GNB1L: variants seen among roughly 807,000 people sequenced by gnomAD.
GNB1L encodes guanine nucleotide-binding protein subunit beta-like protein 1.
Under a neutral mutation model 29.1 loss-of-function variants are expected in GNB1L, and 20 were observed. The observed-to-expected ratio is 0.69, with a 90% CI of 0.48 to 1.00. The LOEUF (loss-of-function observed/expected upper bound fraction) is 1.00, where lower values mean the gene tolerates loss of function less well. GNB1L is among the 50% of genes least tolerant of loss of function. The pLI is 0.00. For synonymous variants in GNB1L, 193 were observed against 206.5 expected, an observed-to-expected ratio of 0.93 and a Z score of 0.56; for missense variants, 421 against 464.9, an observed-to-expected ratio of 0.91 and a Z score of 0.87.
intron 6 of GNB1L, among the ~76,000 whole-genome samples, chr22:19,806,143 A>T (rs1186722656): frequency 6.6e-6 from 1 of 152,238 alleles, no homozygotes; most frequent in South Asian, 2.1e-4. Context: ...TTGAGAAGGA[A>T]GGAAATGTTC....
chr22:19,851,322 G>A (rs760449959), intron 2 of GNB1L: 1 of 1,614,138 alleles, frequency 6.2e-7, no homozygotes, highest in Admixed American at 1.7e-5. Context: ...GCTGGGTCTG[G>A]TCTCTGGGCA....
intron 2 of GNB1L, among the ~76,000 whole-genome samples, chr22:19,853,721 G>C (rs540879680): frequency 3.3e-5 from 5 of 151,956 alleles, no homozygotes; most frequent in Non-Finnish European, 7.4e-5. Flanking sequence ...CCCCCTCTGG[G>C]GGGGGGGTCT....
At chr22:19,830,682 G>C (rs1024495714) in intron 2 of GNB1L, among the ~76,000 whole-genome samples, 3 of 152,178 alleles carry the variant, frequency 2.0e-5, no homozygotes, top group African/African-American at 7.2e-5. Context: ...TATGGAGTTA[G>C]AGAAGTTGAT....
chr22:19,817,672 T>C (rs1440024345), intron 4 of GNB1L, among the ~76,000 whole-genome samples: 1 of 152,034 alleles, frequency 6.6e-6, no homozygotes, highest in Admixed American at 6.6e-5. Flanking sequence ...CATTCATAAA[T>C]ATAGCAAAAA....
intron 7 of GNB1L, among the ~76,000 whole-genome samples, chr22:19,795,266 A>G (rs1322246962): frequency 6.6e-6 from 1 of 152,236 alleles, no homozygotes; most frequent in Non-Finnish European, 1.5e-5. Context: ...CTCATGAAGC[A>G]AAACTGGCAG....
intron 2 of GNB1L, chr22:19,852,333 G>A: frequency 1.3e-6 from 2 of 1,493,488 alleles, no homozygotes; most frequent in Non-Finnish European, 1.8e-6. Flanking sequence ...GATGTGGCTT[G>A]CACGACACAA....
intron 7 of GNB1L, among the ~76,000 whole-genome samples, chr22:19,798,955 C>T (rs1937337588): frequency 6.6e-6 from 1 of 152,214 alleles, no homozygotes; most frequent in Non-Finnish European, 1.5e-5. Context: ...ACAAGCCTCT[C>T]CTCCTGATGC....
intron 6 of GNB1L, 49 bp from the exon 7 acceptor site, chr22:19,802,265 G>C: frequency 1.3e-6 from 2 of 1,482,988 alleles, no homozygotes; most frequent in South Asian, 1.1e-5. Flanking sequence ...CCTGACTCCA[G>C]TGAGTTTCGG....
At chr22:19,818,223 G>A (rs752132326) in intron 4 of GNB1L, among the ~76,000 whole-genome samples, 3 of 152,354 alleles carry the variant, frequency 2.0e-5, no homozygotes, top group Admixed American at 6.5e-5. Context: ...CTCCCAGACC[G>A]CCCACCAGGC....
intron 7 of GNB1L, among the ~76,000 whole-genome samples, chr22:19,797,351 G>T (rs1015210185): frequency 2.0e-5 from 3 of 151,756 alleles, no homozygotes; most frequent in East Asian, 1.9e-4. Context: ...GGGAGGGGGG[G>T]TGGGGGTGCA....
At chr22:19,828,956 C>T (rs972606946) in intron 2 of GNB1L, among the ~76,000 whole-genome samples, 5 of 152,038 alleles carry the variant, frequency 3.3e-5, no homozygotes, top group African/African-American at 4.8e-5. Flanking sequence ...CTCAGCCTCC[C>T]GAGTAGCTGG....
chr22:19,802,323 G>A (rs1283794263), intron 6 of GNB1L, 107 bp from the exon 7 acceptor site: 3 of 855,456 alleles, frequency 3.5e-6, no homozygotes, highest in East Asian at 2.6e-5. Flanking sequence ...GGCTGGGGCT[G>A]TTTCCCATGT....
intron 4 of GNB1L, among the ~76,000 whole-genome samples, chr22:19,817,064 G>A (rs1023642814): frequency 2.0e-5 from 3 of 152,234 alleles, no homozygotes; most frequent in Admixed American, 6.5e-5. Context: ...AAAGTTCCTG[G>A]GAGACATGGA....
chr22:19,808,538 A>G (rs2145872837), intron 5 of GNB1L, among the ~76,000 whole-genome samples: 1 of 152,372 alleles, frequency 6.6e-6, no homozygotes, highest in Middle Eastern at 3.4e-3. Context: ...GTGGACACCA[A>G]GGATTCCTTG....
At chr22:19,796,931 C>G (rs1304725752) in intron 7 of GNB1L, among the ~76,000 whole-genome samples, 2 of 152,152 alleles carry the variant, frequency 1.3e-5, no homozygotes, top group African/African-American at 4.8e-5. Flanking sequence ...AGGAATAAAG[C>G]AGGGACGGAG....
chr22:19,852,994 C>T (rs943168119), intron 2 of GNB1L, among the ~76,000 whole-genome samples: 1 of 152,194 alleles, frequency 6.6e-6, no homozygotes. Context: ...CTCTGAACAA[C>T]GCACAGACCG....
chr22:19,852,953 T>C (rs1413442290), intron 2 of GNB1L, among the ~76,000 whole-genome samples: 2 of 152,160 alleles, frequency 1.3e-5, no homozygotes, highest in Non-Finnish European at 2.9e-5. Context: ...ACTACATTTG[T>C]CTGCTGAGTA....
chr22:19,802,267 G>A (rs756207620), intron 6 of GNB1L, 51 bp from the exon 7 acceptor site: 42 of 1,461,408 alleles, frequency 2.9e-5, no homozygotes, highest in Admixed American at 2.5e-4. Context: ...TGACTCCAGT[G>A]AGTTTCGGGG....
At position 19,809,693 on chromosome 22, in the gene GNB1L, G is replaced by A. The variant is rs117428329; in HGVS notation, c.417+2592C>T. On this transcript the variant is annotated intron_variant, in intron 5 of 7. Transcript: ENST00000329517. ...CTAGAAGTTTGAGCAGTGGGACACC[G>A]AGGAAGCGAAACACACCTCCATTGC... Among the ~76,000 whole-genome samples the A allele has an allele frequency of 1.3e-3, 192 of 152,312 alleles. 2 individuals are homozygous for A. Among genetic ancestry groups the A allele is most frequent in the East Asian group, 4.2e-3 (22 of 5,186 alleles).
Sources: allele counts gnomAD v4.1 joint callset (sites outside exome capture counted in the v4.1 genomes callset), GRCh38; gene constraint gnomAD v4.1.1; transcripts MANE v1.5; gene names NCBI Gene and HGNC (gene_info 2026-07-23, HGNC 2026-07-21).